NAA15: variants seen among roughly 807,000 people sequenced by gnomAD.
NAA15 encodes N-alpha-acetyltransferase 15, NatA auxiliary subunit, also known as N-terminal acetyltransferase.
Under a neutral mutation model 114.0 loss-of-function variants are expected in NAA15, and 34 were observed. The observed-to-expected ratio is 0.30, with a 90% CI of 0.23 to 0.40. The LOEUF (loss-of-function observed/expected upper bound fraction) is 0.40, where lower values mean the gene tolerates loss of function less well. Ranked by LOEUF, NAA15 falls within the 10% of genes least tolerant of loss-of-function variation. NAA15 has a pLI of 1.00. For missense variants in NAA15, 658 were observed against 1,004.5 expected (o/e 0.66, Z 4.66); for synonymous variants, 340 against 338.0 (o/e 1.01, Z -0.06).
At chr4:139,344,666 TGAC>T (rs1335064395) in intron 6 of NAA15, among the ~76,000 whole-genome samples, 3 of 152,224 alleles carry the variant, frequency 2.0e-5, no homozygotes, top group South Asian at 4.1e-4. Flanking sequence ...AGACAGAGGA[TGAC>T]ATTTCTTAGA....
At chr4:139,362,993 C>T (rs888150337) in intron 14 of NAA15, among the ~76,000 whole-genome samples, 2 of 151,962 alleles carry the variant, frequency 1.3e-5, no homozygotes, top group Non-Finnish European at 1.5e-5. Context: ...GCTAATTTGT[C>T]GTTAAGTTTT....
At chr4:139,386,251 T>G (rs375114849) in intron 19 of NAA15, 21 bp downstream of exon 19, 6 of 1,378,752 alleles carry the variant, frequency 4.4e-6, no homozygotes, top group Non-Finnish European at 6.1e-6. Flanking sequence ...TTTCATAATC[T>G]CTCTGTAAGA....
chr4:139,343,334 T>C (rs112948835), intron 5 of NAA15, among the ~76,000 whole-genome samples: 77 of 152,356 alleles, frequency 5.1e-4, no homozygotes, highest in African/African-American at 1.7e-3. Flanking sequence ...AATTTAACAC[T>C]GATAGACTGT....
intron 9 of NAA15, 40 bp from the exon 10 acceptor site, chr4:139,353,986 G>GT (rs772709566): frequency 1.3e-5 from 19 of 1,516,860 alleles, no homozygotes; most frequent in South Asian, 2.3e-5. Context: ...GTAAATGTGT[G>GT]TTTTTTCTAT....
At position 139,334,066 on chromosome 4, in the gene NAA15, A is replaced by G. The variant is rs542800680; in HGVS notation, c.55-108A>G. On this transcript the variant is annotated intron_variant, in intron 1 of 19. Transcript: ENST00000296543. ...GCATTTTACCGAGATTTAGAAGCAT[A>G]TGGAAATAGCATTCTGTTGTATTTA... The G allele has an allele frequency of 2.5e-5, 17 of 688,184 alleles. No homozygotes were observed. In the East Asian group the frequency reaches 3.8e-4, roughly 15 times the overall value. The allele number at this position is 688,184 out of a possible 1,614,324, so 42.6% of individuals were successfully genotyped here.
At chr4:139,328,115 C>T (rs1746863056) in intron 1 of NAA15, among the ~76,000 whole-genome samples, 1 of 139,584 alleles carries the variant, frequency 7.2e-6, no homozygotes, top group Admixed American at 6.9e-5. Flanking sequence ...TTCTAGCCCA[C>T]TGATTTTTTT....
intron 18 of NAA15, 81 bp downstream of exon 18, chr4:139,385,059 T>G: frequency 8.3e-7 from 1 of 1,209,594 alleles, no homozygotes; most frequent in South Asian, 2.1e-5. Flanking sequence ...AGGTACATGT[T>G]TTTAGAATGG....
Position 139,354,601 on chromosome 4 carries a change from G to A in NAA15, c.1087+503G>A, listed in dbSNP as rs905808848. Among the ~76,000 whole-genome samples the A allele has an allele frequency of 5.9e-5, 9 of 152,108 alleles. No homozygotes were observed. In the South Asian group the frequency reaches 1.7e-3, roughly 28 times the overall value. On this transcript the variant is annotated intron_variant, in intron 10 of 19. Coordinates refer to ENST00000296543, the MANE Select transcript of NAA15 (RefSeq NM_057175.5). ...GGCATGGGCCACTGTGTCCCACCTC[G>A]CATTAGTTTATTGAAAAGAATGTTA...
intron 1 of NAA15, among the ~76,000 whole-genome samples, chr4:139,323,561 G>C (rs926029805): frequency 1.3e-5 from 2 of 152,044 alleles, no homozygotes; most frequent in African/African-American, 4.8e-5. Flanking sequence ...ATAAATTCCA[G>C]CAGTTTCTAA....
At chr4:139,351,124 C>G (rs1261646246) in intron 7 of NAA15, 67 bp from the exon 8 acceptor site, 10 of 756,388 alleles carry the variant, frequency 1.3e-5, no homozygotes, top group Non-Finnish European at 2.0e-5. Flanking sequence ...TTGAGAAGTT[C>G]GTAATTTTCC....
chr4:139,304,161 G>T (rs1163066936), intron 1 of NAA15, among the ~76,000 whole-genome samples: 3 of 152,140 alleles, frequency 2.0e-5, no homozygotes, highest in Non-Finnish European at 2.9e-5. Flanking sequence ...CTAGTGATCC[G>T]CCCGCCTCGG....
At chr4:139,331,817 T>A (rs773668796) in intron 1 of NAA15, among the ~76,000 whole-genome samples, 31 of 152,088 alleles carry the variant, frequency 2.0e-4, no homozygotes, top group Non-Finnish European at 3.7e-4. Context: ...TTTATAACTA[T>A]GCATATATTG....
intron 13 of NAA15, 67 bp from the exon 14 acceptor site, chr4:139,361,657 T>C: frequency 1.0e-6 from 1 of 999,514 alleles, no homozygotes; most frequent in Admixed American, 2.8e-5. Context: ...ATTCCAATGC[T>C]TTGATTTTAT....
At chr4:139,352,580 T>A in intron 9 of NAA15, among the ~76,000 whole-genome samples, 1 of 152,176 alleles carries the variant, frequency 6.6e-6, no homozygotes, top group Admixed American at 6.5e-5. Flanking sequence ...TTTGCCGGTC[T>A]TTTGTTGGAG....
intron 1 of NAA15, among the ~76,000 whole-genome samples, chr4:139,321,813 T>G (rs932608584): frequency 1.3e-5 from 2 of 152,048 alleles, no homozygotes; most frequent in Non-Finnish European, 2.9e-5. Flanking sequence ...GCCTTTGTGT[T>G]TTGCTTTAAA....
At chr4:139,357,054 C>A (rs559774846) in intron 10 of NAA15, among the ~76,000 whole-genome samples, 2 of 151,902 alleles carry the variant, frequency 1.3e-5, no homozygotes, top group East Asian at 1.9e-4. Flanking sequence ...TAAATAACAT[C>A]CTGATCAGTA....
intron 4 of NAA15, among the ~76,000 whole-genome samples, chr4:139,341,610 A>AAAG (rs1747395363): frequency 6.7e-6 from 1 of 149,206 alleles, no homozygotes; most frequent in South Asian, 2.1e-4. Flanking sequence ...AAAAAAAAAA[A>AAAG]AAAAAAAAAG....
At chr4:139,320,135 T>C (rs1440262440) in intron 1 of NAA15, among the ~76,000 whole-genome samples, 1 of 152,232 alleles carries the variant, frequency 6.6e-6, no homozygotes, top group Non-Finnish European at 1.5e-5. Context: ...GAGATTTTCC[T>C]CTTTGCATAC....
intron 6 of NAA15, 114 bp from the exon 7 acceptor site, chr4:139,349,348 T>C: frequency 1.1e-6 from 1 of 908,384 alleles, no homozygotes; most frequent in South Asian, 2.1e-5. Context: ...GTCCATCCAC[T>C]TAGCAGCACT....
Sources: gnomAD v4.1 joint callset for allele counts (sites outside exome capture counted in the v4.1 genomes callset) on GRCh38, gnomAD v4.1.1 for gene constraint, MANE v1.5 for transcripts, NCBI Gene and HGNC (gene_info 2026-07-23, HGNC 2026-07-21) for gene names.